Variants in RERG observed in about 807,000 individuals in gnomAD.
RERG encodes the protein ras-related and estrogen-regulated growth inhibitor.
Under a neutral mutation model 23.2 loss-of-function variants are expected in RERG, and 25 were observed. The ratio of observed to expected loss-of-function variants is 1.08; its 90% confidence interval spans 0.79 to 1.50. The LOEUF (loss-of-function observed/expected upper bound fraction) is 1.50, where lower values mean the gene tolerates loss of function less well. Ranked by LOEUF, RERG falls within the 40% of genes most tolerant of loss-of-function variation. RERG has a pLI of 0.00. For missense variants in RERG, 253 were observed against 250.1 expected (o/e 1.01, Z -0.08); for synonymous variants, 81 against 89.1 (o/e 0.91, Z 0.51).
At chr12:15,149,369 T>A (rs1864399194) in intron 2 of RERG, among the ~76,000 whole-genome samples, 1 of 152,196 alleles carries the variant, frequency 6.6e-6, no homozygotes, top group African/African-American at 2.4e-5. Flanking sequence ...GTAAAATGTA[T>A]CTTTATATTT....
intron 2 of RERG, among the ~76,000 whole-genome samples, chr12:15,193,097 C>T (rs936996196): frequency 1.3e-5 from 2 of 152,080 alleles, no homozygotes; most frequent in African/African-American, 4.8e-5. Flanking sequence ...TAAATTTCTA[C>T]CCACTAAATC....
rs182124868 is a variant in RERG at position 15,165,943 on chromosome 12, T to G, written c.62-44824A>C. On this transcript the variant is annotated intron_variant, in intron 2 of 4. Coordinates refer to ENST00000256953, the MANE Select transcript of RERG (RefSeq NM_032918.3). ...CACAATTGGCTCCATGACTGTAAGC[T>G]CCCCTGACCATTTCCTAGGTACACC... Among the ~76,000 whole-genome samples, 160 of 152,204 alleles carry G rather than the reference T, an allele frequency of 1.1e-3. No individual in the cohort carries two copies. The East Asian group carries it at 0.023, about 22-fold the overall frequency.
chr12:15,153,920 T>G (rs1273788700), intron 2 of RERG, among the ~76,000 whole-genome samples: 3 of 152,140 alleles, frequency 2.0e-5, no homozygotes, highest in Admixed American at 2.0e-4. Flanking sequence ...TATGTTCTTA[T>G]GAAATGGGGA....
chr12:15,118,322 T>C (rs1591634068), intron 3 of RERG, among the ~76,000 whole-genome samples: 1 of 152,182 alleles, frequency 6.6e-6, no homozygotes, highest in East Asian at 1.9e-4. Flanking sequence ...TGAGTTAATA[T>C]GTAGAATGAT....
chr12:15,149,059 C>T (rs1485965027), intron 2 of RERG, among the ~76,000 whole-genome samples: 5 of 151,352 alleles, frequency 3.3e-5, no homozygotes, highest in East Asian at 1.9e-4. Flanking sequence ...TTAGTAGAGA[C>T]GGGGTTTCAC....
intron 2 of RERG, among the ~76,000 whole-genome samples, chr12:15,186,345 G>C (rs1404049122): frequency 1.3e-5 from 2 of 151,706 alleles, no homozygotes; most frequent in Non-Finnish European, 2.9e-5. Context: ...ATGTTTGCTG[G>C]GCCATGTGCT....
intron 2 of RERG, among the ~76,000 whole-genome samples, chr12:15,123,519 G>T (rs7313160): frequency 0.67 from 98,989 of 146,750 alleles, 33,438 homozygotes; most frequent in Admixed American, 0.75. Flanking sequence ...GTTGTTTAAT[G>T]TATTAAATTT....
At position 15,109,054 on chromosome 12, in the gene RERG, G is replaced by C; in HGVS notation, c.*56C>G. 7.0e-7 allele frequency: 1 copy of C among 1,428,304 alleles called. No homozygotes were observed. The highest frequency in any genetic ancestry group is 1.5e-5 in the South Asian group (1 of 68,070). 88.5% of individuals were successfully genotyped at this position (1,428,304 alleles called of 1,614,324 possible). A position where few individuals can be genotyped will look rare whatever the true frequency, so the allele number is the denominator to read the frequency against. On this transcript the variant is annotated 3_prime_UTR_variant, in exon 5 of 5. Transcript: ENST00000256953. ...GCAATATTTTGTTTTATTTTTGAAA[G>C]GGGAACAGAAGGGGAAGAGTGTTTC...
At position 15,149,533 on chromosome 12, in the gene RERG, C is replaced by T. The variant is rs1864402367; in HGVS notation, c.62-28414G>A. Among the ~76,000 whole-genome samples the T allele has an allele frequency of 2.0e-5, 3 of 152,192 alleles. No individual in the cohort carries two copies. In the South Asian group the frequency reaches 6.2e-4, roughly 32 times the overall value. The stretch of plus-strand genomic sequence containing the variant: ...TGATGGGGAGAAAGATGTTCATTAA[C>T]AATACTAGTTCATGGCAGAATGTGA... On this transcript the variant is annotated intron_variant, in intron 2 of 4. Coordinates refer to ENST00000256953, the MANE Select transcript of RERG (RefSeq NM_032918.3).
intron 2 of RERG, among the ~76,000 whole-genome samples, chr12:15,166,391 A>G (rs1473020326): frequency 2.0e-5 from 3 of 152,220 alleles, no homozygotes; most frequent in Admixed American, 1.3e-4. Flanking sequence ...GAATGGGAAA[A>G]TAAGAATTTC....
chr12:15,109,445 G>A lies in RERG; in HGVS notation c.265C>T (p.Arg89Ter), dbSNP rs773343591. Residue 89 changes from arginine (R) to a stop codon, truncating the protein, a stop_gained, in exon 5 of 5, where the codon CGA becomes TGA. Coordinates refer to ENST00000256953, the MANE Select transcript of RERG (RefSeq NM_032918.3). LOFTEE classifies it high-confidence loss of function. ...GGCAGCACTTCCTCAAAACTTCCTCGGTCAGTAATGTCGTAGACCAGCACA... is the reference window on the plus strand; with the variant it reads ...GGCAGCACTTCCTCAAAACTTCCTCAGTCAGTAATGTCGTAGACCAGCACA... ...GFVLVYDITDRGSFEEVLPLK... is the reference protein window; with the variant it reads ...GFVLVYDITD 1.9e-6 allele frequency: 3 copies of A among 1,613,686 alleles called. No individual in the cohort carries two copies. Among genetic ancestry groups the A allele is most frequent in the Non-Finnish European group, 1.7e-6 (2 of 1,179,920 alleles).
At chr12:15,185,932 T>G (rs543485046) in intron 2 of RERG, among the ~76,000 whole-genome samples, 1 of 152,164 alleles carries the variant, frequency 6.6e-6, no homozygotes, top group East Asian at 1.9e-4. Flanking sequence ...GAGGAATGAC[T>G]ACAGATAGAG....
At chr12:15,194,305 A>G (rs1454603384) in intron 2 of RERG, among the ~76,000 whole-genome samples, 1 of 152,146 alleles carries the variant, frequency 6.6e-6, no homozygotes, top group Non-Finnish European at 1.5e-5. Flanking sequence ...ATATTTAAGT[A>G]TAATCGTGAA....
intron 3 of RERG, among the ~76,000 whole-genome samples, chr12:15,118,490 G>A (rs780169550): frequency 2.9e-4 from 44 of 152,204 alleles, no homozygotes; most frequent in Non-Finnish European, 4.3e-4. Context: ...TTTTGGTGGT[G>A]GTTTTGAAAC....
intron 2 of RERG, among the ~76,000 whole-genome samples, chr12:15,214,267 T>C (rs1444948842): frequency 1.3e-5 from 2 of 152,212 alleles, no homozygotes; most frequent in Non-Finnish European, 2.9e-5. Flanking sequence ...TGAGATGCTA[T>C]TATATGTTCT....
intron 2 of RERG, among the ~76,000 whole-genome samples, chr12:15,195,263 G>A (rs1865126986): frequency 6.6e-6 from 1 of 151,912 alleles, no homozygotes; most frequent in Admixed American, 6.6e-5. Flanking sequence ...ACTGGGATGA[G>A]CCCAAGCTGT....
chr12:15,212,028 G>C (rs1049201614), intron 2 of RERG, among the ~76,000 whole-genome samples: 1 of 135,496 alleles, frequency 7.4e-6, no homozygotes, highest in African/African-American at 2.6e-5. Flanking sequence ...TGTGATATTA[G>C]AGCCACGAAT....
At chr12:15,140,934 T>G (rs1264344597) in intron 2 of RERG, among the ~76,000 whole-genome samples, 1 of 152,142 alleles carries the variant, frequency 6.6e-6, no homozygotes, top group African/African-American at 2.4e-5. Context: ...TTTAGATGTG[T>G]GATTTGGTAG....
intron 2 of RERG, among the ~76,000 whole-genome samples, chr12:15,197,833 C>T (rs376457150): frequency 7.2e-5 from 11 of 152,168 alleles, no homozygotes; most frequent in East Asian, 3.9e-4. Flanking sequence ...CAGTGGTGGG[C>T]GGTGCAGAGA....
Sources: allele counts gnomAD v4.1 joint callset (sites outside exome capture counted in the v4.1 genomes callset), GRCh38; gene constraint gnomAD v4.1.1; transcripts MANE v1.5; gene names NCBI Gene and HGNC (gene_info 2026-07-23, HGNC 2026-07-21).